Variants in SPEF2 observed in about 807,000 individuals in gnomAD.
SPEF2 encodes sperm flagella and cilia-associated protein 2.
SPEF2 carries 187 observed loss-of-function variants against 224.6 expected under a neutral mutation model. The observed-to-expected ratio is 0.83, with a 90% CI of 0.74 to 0.94. SPEF2 has a LOEUF of 0.94. SPEF2 is among the 40% of genes least tolerant of loss of function. SPEF2 has a pLI of 0.00. For missense variants in SPEF2, 2,170 were observed against 2,135.6 expected (o/e 1.02, Z -0.32); for synonymous variants, 715 against 707.3 (o/e 1.01, Z -0.17).
In SPEF2 at chr5:35,694,302, A is replaced by G. The variant is rs1754969761; in HGVS notation, c.1914A>G (p.Val638=). The G allele has an allele frequency of 1.2e-6, 2 of 1,613,610 alleles. No homozygotes were observed. Among genetic ancestry groups the G allele is most frequent in the African/African-American group, 1.3e-5 (1 of 75,042 alleles). Residue 638 remains valine (V), a synonymous_variant, in exon 13 of 37, where the codon GTA becomes GTG. Transcript: ENST00000356031. ...TCTCTCCAAAGGATCCACAACATGT[A>G]TTTTCAGCTGGTCCAGTTTCAGATG... is the stretch of plus-strand genomic sequence containing the variant. The part of the protein sequence containing the change: ...EIKESQDPQH[V]FSAGPVSDEV...
intron 12 of SPEF2, among the ~76,000 whole-genome samples, 199 bp downstream of exon 12, chr5:35,692,923 G>A (rs552283425): frequency 5.3e-5 from 8 of 152,248 alleles, no homozygotes; most frequent in Non-Finnish European, 8.8e-5. Context: ...AGGTAAAATC[G>A]AGGATATTAT....
intron 20 of SPEF2, among the ~76,000 whole-genome samples, chr5:35,726,215 C>A (rs1744632759): frequency 6.6e-6 from 1 of 152,156 alleles, no homozygotes; most frequent in East Asian, 1.9e-4. Flanking sequence ...AATATTCCGA[C>A]TCTCTCAGTT....
intron 8 of SPEF2, among the ~76,000 whole-genome samples, chr5:35,663,586 G>A (rs1750026562): frequency 6.6e-6 from 1 of 151,978 alleles, no homozygotes; most frequent in Non-Finnish European, 1.5e-5. Flanking sequence ...TCTTCATCGT[G>A]TCCATTTTCC....
At chr5:35,663,775 C>T (rs1750048277) in intron 8 of SPEF2, among the ~76,000 whole-genome samples, 1 of 152,126 alleles carries the variant, frequency 6.6e-6, no homozygotes, top group Non-Finnish European at 1.5e-5. Context: ...CCTCTGCACA[C>T]AGAGAATGTA....
At chr5:35,684,452 C>T (rs960132868) in intron 10 of SPEF2, among the ~76,000 whole-genome samples, 2 of 152,170 alleles carry the variant, frequency 1.3e-5, no homozygotes, top group South Asian at 4.1e-4. Flanking sequence ...ACAGTGACAT[C>T]CTATTCCATT....
At chr5:35,696,745 A>C (rs1418281041) in intron 14 of SPEF2, among the ~76,000 whole-genome samples, 2 of 152,184 alleles carry the variant, frequency 1.3e-5, no homozygotes, top group Non-Finnish European at 2.9e-5. Context: ...TGAGAAAAGG[A>C]AACATGGAGT....
At chr5:35,792,121 C>CA (rs1561372540) in intron 30 of SPEF2, among the ~76,000 whole-genome samples, 2 of 151,620 alleles carry the variant, frequency 1.3e-5, no homozygotes, top group Admixed American at 6.6e-5. Flanking sequence ...ATTACTAAGC[C>CA]AAAAAAGGCA....
At chr5:35,634,153 G>T (rs1745511660) in intron 2 of SPEF2, among the ~76,000 whole-genome samples, 1 of 152,014 alleles carries the variant, frequency 6.6e-6, no homozygotes, top group Non-Finnish European at 1.5e-5. Context: ...ACTGTATATT[G>T]TCCTTTCATT....
rs1427973973 is a variant in SPEF2, at chr5:35,807,173, G to A, written c.5299G>A (p.Glu1767Lys). 3.7e-6 allele frequency: 6 copies of A among 1,613,908 alleles called. No homozygotes were observed. The highest frequency in any genetic ancestry group is 2.2e-5 in the South Asian group (2 of 90,994). Residue 1767 changes from glutamate (E) to lysine (K), a missense_variant, in exon 36 of 37, where the codon GAG becomes AAG. Coordinates refer to ENST00000356031, the MANE Select transcript of SPEF2 (RefSeq NM_024867.4). ...TFQDLGAKNL[E>K]PIEVAVLLKH... Reference sequence around the variant, plus strand: ...TCAAGACCTAGGTGCCAAGAACCTGGAGCCAATTGAAGTCGCTGTTCTCTT... The same window carrying A: ...TCAAGACCTAGGTGCCAAGAACCTGAAGCCAATTGAAGTCGCTGTTCTCTT...
intron 20 of SPEF2, among the ~76,000 whole-genome samples, chr5:35,725,898 A>G (rs1052587357): frequency 2.6e-4 from 40 of 152,178 alleles, no homozygotes; most frequent in African/African-American, 8.9e-4. Context: ...ATGCTAATCC[A>G]TAGATTATTT....
rs1749518616 is a variant in SPEF2 at position 35,751,078 on chromosome 5, T to TATATATACAC, written c.3331-2545_3331-2544insTATATACACA. ...ATACGTATATATATGTATATATATA[T>TATATATACAC]ACACACACACACACACACATATATA... On this transcript the variant is annotated intron_variant, in intron 23 of 36. Coordinates refer to ENST00000356031, the MANE Select transcript of SPEF2 (RefSeq NM_024867.4). Among the ~76,000 whole-genome samples, 61 of 22,632 alleles carry TATATATACAC rather than the reference T, an allele frequency of 2.7e-3. 19 individuals carry two copies. The highest frequency in any genetic ancestry group is 4.1e-4 in the Non-Finnish European group (4 of 9,874). 14.8% of individuals were successfully genotyped at this position (22,632 alleles called of 152,430 possible). A position where few individuals can be genotyped will look rare whatever the true frequency, so the allele number is the denominator to read the frequency against.
chr5:35,659,563 C>T (rs1749424583), intron 8 of SPEF2, among the ~76,000 whole-genome samples: 2 of 152,140 alleles, frequency 1.3e-5, no homozygotes, highest in South Asian at 2.1e-4. Context: ...GTTCTTATAA[C>T]AGTGTGTGCC....
At chr5:35,646,521 A>G (rs1747387567) in intron 4 of SPEF2, 146 bp from the exon 5 acceptor site, 1 of 636,754 alleles carries the variant, frequency 1.6e-6, no homozygotes, top group Non-Finnish European at 2.6e-6. Flanking sequence ...TCTTAATATT[A>G]CACAGTTGTG....
At chr5:35,621,186 G>T (rs1743458506) in intron 1 of SPEF2, among the ~76,000 whole-genome samples, 1 of 152,190 alleles carries the variant, frequency 6.6e-6, no homozygotes, top group African/African-American at 2.4e-5. Flanking sequence ...TTATAATAAA[G>T]TATTGTGGGA....
At chr5:35,669,224 ATGT>A (rs747911073) in intron 9 of SPEF2, among the ~76,000 whole-genome samples, 27 of 152,138 alleles carry the variant, frequency 1.8e-4, no homozygotes, top group Middle Eastern at 3.4e-3. Context: ...AGGTCCTTTC[ATGT>A]TGTAGCATGA....
chr5:35,760,294 C>A (rs1337666067), intron 25 of SPEF2, among the ~76,000 whole-genome samples: 1 of 150,498 alleles, frequency 6.6e-6, no homozygotes, highest in African/African-American at 2.4e-5. Context: ...ACCTGGGAGG[C>A]GGAGCTTGCA....
chr5:35,675,921 T>C (rs1239575478), intron 10 of SPEF2: 2 of 456,280 alleles, frequency 4.4e-6, no homozygotes, highest in Non-Finnish European at 4.4e-6. Context: ...GTCTATGGAA[T>C]AGCAGGAATA....
At chr5:35,702,279 A>G (rs1303597341) in intron 16 of SPEF2, 1 of 456,046 alleles carries the variant, frequency 2.2e-6, no homozygotes, top group Non-Finnish European at 4.4e-6. Flanking sequence ...ACTACATCCA[A>G]AGCCACGTGG....
chr5:35,730,162 G>GGA (rs1334566654), intron 21 of SPEF2, among the ~76,000 whole-genome samples: 1 of 152,178 alleles, frequency 6.6e-6, no homozygotes, highest in Non-Finnish European at 1.5e-5. Context: ...ACAAATGATG[G>GGA]GAGAGAGATT....
Sources: gnomAD v4.1 joint callset for allele counts (sites outside exome capture counted in the v4.1 genomes callset) on GRCh38, gnomAD v4.1.1 for gene constraint, MANE v1.5 for transcripts, NCBI Gene and HGNC (gene_info 2026-07-23, HGNC 2026-07-21) for gene names.